Variants in ZGRF1 observed in about 807,000 individuals in gnomAD.
ZGRF1 encodes the protein zinc finger GRF-type containing 1.
Under a neutral mutation model 203.5 loss-of-function variants are expected in ZGRF1, and 196 were observed. That is an observed-to-expected ratio of 0.96 (90% CI 0.86 to 1.08). The LOEUF (loss-of-function observed/expected upper bound fraction) is 1.08. ZGRF1 is among the 50% of genes least tolerant of loss of function. The probability of loss-of-function intolerance (pLI) is 0.00; values close to 1 mark genes in which losing one functional copy is unlikely to be tolerated. For synonymous variants in ZGRF1, 809 were observed against 841.3 expected, an observed-to-expected ratio of 0.96 and a Z score of 0.66; for missense variants, 2,326 against 2,416.3, an observed-to-expected ratio of 0.96 and a Z score of 0.78.
At chr4:112,616,743 A>C (rs552626178) in intron 6 of ZGRF1, among the ~76,000 whole-genome samples, 1 of 151,764 alleles carries the variant, frequency 6.6e-6, no homozygotes, top group African/African-American at 2.4e-5. Context: ...AGACTGAGGC[A>C]GGAGAATCAC....
rs759257187 is a variant in ZGRF1 at position 112,617,649 on chromosome 4, T to G, written c.2393A>C (p.His798Pro). 1 of 1,613,752 alleles carries G rather than the reference T, an allele frequency of 6.2e-7. No homozygotes were observed. Among genetic ancestry groups the G allele is most frequent in the Admixed American group, 1.7e-5 (1 of 59,946 alleles). Reference protein sequence around the residue: ...LGKIRSPPPDHVEVETAREGK... With the variant: ...LGKIRSPPPDPVEVETAREGK... ...TTCTCTGGCAGTTTCAACCTCAACA[T>G]GGTCAGGGGGTGGACTTCTAATCTT... Residue 798 changes from histidine (H) to proline (P), a missense_variant, in exon 6 of 28, where the codon CAT (histidine) becomes CCT (proline). His to Pro is a moderately conservative substitution (Grantham distance 77). Transcript: ENST00000505019.
intron 6 of ZGRF1, 45 bp from the exon 7 acceptor site, chr4:112,612,633 A>G (rs1306608113): frequency 8.2e-7 from 1 of 1,215,262 alleles, no homozygotes; most frequent in African/African-American, 1.5e-5. Flanking sequence ...TATATATAGC[A>G]GTACTCTAAA....
At chr4:112,582,114 T>A (rs1047851521) in intron 15 of ZGRF1, among the ~76,000 whole-genome samples, 5 of 152,210 alleles carry the variant, frequency 3.3e-5, no homozygotes, top group African/African-American at 1.2e-4. Context: ...GTACATGTGA[T>A]ATCCTGATAC....
chr4:112,565,063 G>A (rs1315142285), intron 16 of ZGRF1: 4 of 1,232,326 alleles, frequency 3.2e-6, no homozygotes, highest in East Asian at 2.3e-5. Flanking sequence ...TACAAAAGCC[G>A]CTCGCAAGAG....
intron 3 of ZGRF1, chr4:112,628,739 G>A (rs1454371822): frequency 2.2e-6 from 1 of 451,866 alleles, no homozygotes; most frequent in Non-Finnish European, 4.5e-6. Context: ...GATAAAGTTG[G>A]ATAATAGCAC....
chr4:112,594,044 C>G (rs562947033), intron 10 of ZGRF1, among the ~76,000 whole-genome samples: 2 of 152,136 alleles, frequency 1.3e-5, no homozygotes, highest in Non-Finnish European at 2.9e-5. Flanking sequence ...TGTGAGCCAC[C>G]GTCCCCAGCC....
intron 16 of ZGRF1, among the ~76,000 whole-genome samples, chr4:112,568,754 G>A (rs1237339216): frequency 4.9e-5 from 7 of 143,894 alleles, no homozygotes; most frequent in South Asian, 2.3e-4. Flanking sequence ...GGTGGCTCAC[G>A]CCTGTAATCC....
chr4:112,630,543 A>C (rs1033051177), intron 3 of ZGRF1, among the ~76,000 whole-genome samples: 6 of 152,054 alleles, frequency 3.9e-5, no homozygotes, highest in Non-Finnish European at 7.4e-5. Context: ...GAATATGGTT[A>C]TCTTTAATTG....
intron 3 of ZGRF1, chr4:112,628,829 A>G: frequency 2.3e-6 from 1 of 438,190 alleles, no homozygotes; most frequent in Non-Finnish European, 4.5e-6. Context: ...TTAAATATCT[A>G]CAAGATTTTA....
chr4:112,616,153 T>C (rs1247007541), intron 6 of ZGRF1, among the ~76,000 whole-genome samples: 3 of 152,146 alleles, frequency 2.0e-5, no homozygotes, highest in Non-Finnish European at 4.4e-5. Context: ...TTGGAAGCTA[T>C]CTTGTATTGC....
At chr4:112,562,635 C>A in intron 17 of ZGRF1, 150 bp from the exon 18 acceptor site, 1 of 592,122 alleles carries the variant, frequency 1.7e-6, no homozygotes, top group Non-Finnish European at 3.0e-6. Context: ...AGATCCCAAA[C>A]TTATATTCAT....
At position 112,587,906 on chromosome 4, in the gene ZGRF1, C is replaced by G. The variant is rs1747497162; in HGVS notation, c.3151G>C (p.Glu1051Gln). ...LEGMKKSRSL[E>Q]NENLQRLSLL... Reference sequence around the variant, plus strand: ...GAAAGCCTTTGAAGGTTCTCATTCTCCAGAGAACGGGATTTTTTCATCCCT... The same window carrying G: ...GAAAGCCTTTGAAGGTTCTCATTCTGCAGAGAACGGGATTTTTTCATCCCT... Residue 1051 changes from glutamate to glutamine, a missense_variant, in exon 12 of 28, where the codon GAG (glutamate) becomes CAG (glutamine). Coordinates refer to ENST00000505019, the MANE Select transcript of ZGRF1 (RefSeq NM_018392.5). The G allele has an allele frequency of 6.5e-7, 1 of 1,531,196 alleles. No homozygotes were observed. Among genetic ancestry groups the G allele is most frequent in the African/African-American group, 1.4e-5 (1 of 71,706 alleles). The allele number at this position is 1,531,196 out of a possible 1,614,324, so 94.9% of individuals were successfully genotyped here. A position where few individuals can be genotyped will look rare whatever the true frequency, so the allele number is the denominator to read the frequency against.
rs11926383 is a variant in ZGRF1 at position 112,565,813 on chromosome 4, G to C, written c.4439-2539C>G. ...CACAATGAGATACCATCTCACACCA[G>C]TTAGAATGGCAGTCATTAAAAAGTC... On this transcript the variant is annotated intron_variant, in intron 16 of 27. Coordinates refer to ENST00000505019, the MANE Select transcript of ZGRF1 (RefSeq NM_018392.5). Among the ~76,000 whole-genome samples, 977 of 152,264 alleles carry C rather than the reference G, an allele frequency of 6.4e-3. 18 individuals are homozygous for C. The highest frequency in any genetic ancestry group is 0.023 in the African/African-American group (944 of 41,536).
At chr4:112,579,942 C>G (rs558161539) in intron 16 of ZGRF1, among the ~76,000 whole-genome samples, 1 of 122,354 alleles carries the variant, frequency 8.2e-6, no homozygotes, top group East Asian at 2.4e-4. Context: ...CACATGGAAC[C>G]AAAAAAGAGC....
chr4:112,601,501 G>C (rs1011384781), intron 10 of ZGRF1, among the ~76,000 whole-genome samples: 1 of 151,466 alleles, frequency 6.6e-6, no homozygotes, highest in Non-Finnish European at 1.5e-5. Flanking sequence ...TAGAACCCAG[G>C]AGGCAGAGGT....
Position 112,635,186 on chromosome 4 carries a change from C to T in ZGRF1, c.-67+1665G>A, listed in dbSNP as rs182240215. The stretch of plus-strand genomic sequence containing the variant: ...CACATCCTATCTCCCTCCCCTCCGG[C>T]GTACATAAATTGCTGATGCCTAAGA... On this transcript the variant is annotated intron_variant, in intron 1 of 27. Coordinates refer to ENST00000505019, the MANE Select transcript of ZGRF1 (RefSeq NM_018392.5). Among the ~76,000 whole-genome samples, 237 of 150,682 alleles carry T rather than the reference C, an allele frequency of 1.6e-3. 2 individuals are homozygous for T. The highest frequency in any genetic ancestry group is 4.7e-3 in the African/African-American group (192 of 40,592).
At chr4:112,543,450 T>C (rs1054669739) in intron 24 of ZGRF1, among the ~76,000 whole-genome samples, 1 of 152,206 alleles carries the variant, frequency 6.6e-6, no homozygotes, top group African/African-American at 2.4e-5. Flanking sequence ...TCTATATGGA[T>C]CAAGCTCATT....
At chr4:112,586,236 T>C (rs901206181) in intron 13 of ZGRF1, among the ~76,000 whole-genome samples, 1 of 125,146 alleles carries the variant, frequency 8.0e-6, no homozygotes. Flanking sequence ...TGAGATCCTG[T>C]CTCAAAAAAA....
intron 16 of ZGRF1, chr4:112,564,923 G>A (rs80039602): frequency 0.013 from 9,038 of 715,262 alleles, 89 homozygotes; most frequent in Middle Eastern, 0.039. Context: ...CAACGCCAGC[G>A]CCGCCTGTCG....
Sources: allele counts gnomAD v4.1 joint callset (sites outside exome capture counted in the v4.1 genomes callset), GRCh38; gene constraint gnomAD v4.1.1; transcripts MANE v1.5; gene names NCBI Gene and HGNC (gene_info 2026-07-23, HGNC 2026-07-21).